Variants in ATIC observed in about 807,000 individuals in gnomAD.
ATIC encodes the protein 5-aminoimidazole-4-carboxamide ribonucleotide formyltransferase/IMP cyclohydrolase.
In ATIC, 64 loss-of-function variants were observed where a neutral mutation model predicts 72.5. That is an observed-to-expected ratio of 0.88 (90% CI 0.72 to 1.09). The LOEUF (loss-of-function observed/expected upper bound fraction) is 1.09. Ranked by LOEUF, ATIC falls within the 50% of genes least tolerant of loss-of-function variation. The probability of loss-of-function intolerance (pLI) is 0.00; values close to 1 mark genes in which losing one functional copy is unlikely to be tolerated. For synonymous variants in ATIC, 281 were observed against 267.1 expected (o/e 1.05, Z -0.51); for missense variants, 787 against 732.4 (o/e 1.07, Z -0.86).
chr2:215,312,129 C>T lies in ATIC; in HGVS notation c.-14C>T, dbSNP rs1009387058. 3 of 1,528,266 alleles carry T rather than the reference C, an allele frequency of 2.0e-6. No homozygotes were observed. The East Asian group carries it at 7.5e-5, about 38-fold the overall frequency. The allele number at this position is 1,528,266 out of a possible 1,614,324, so 94.7% of individuals were successfully genotyped here. A position where few individuals can be genotyped will look rare whatever the true frequency, so the allele number is the denominator to read the frequency against. ...TGCTGCCTCCCGCTCGCCCTGAACC[C>T]AGTGCCTGCAGCCATGGCTCCCGGC... On this transcript the variant is annotated 5_prime_UTR_variant, in exon 1 of 16. Transcript: ENST00000236959.
intron 4 of ATIC, among the ~76,000 whole-genome samples, chr2:215,323,147 G>A (rs143121886): frequency 3.3e-5 from 5 of 152,076 alleles, no homozygotes; most frequent in East Asian, 1.9e-4. Context: ...GGGTTTCACC[G>A]TGTTCGCCAG....
chr2:215,346,890 A>G lies in ATIC; in HGVS notation c.1452A>G (p.Arg484=), dbSNP rs1168113033. The G allele has an allele frequency of 6.2e-7, 1 of 1,614,210 alleles. No individual in the cohort carries two copies. The highest frequency in any genetic ancestry group is 2.2e-5 in the East Asian group (1 of 44,880). The change falls in exon 14 of 16, where the codon AGA becomes AGG. Residue 484 remains arginine, a synonymous_variant. Transcript: ENST00000236959. ...LSMKFKTGVK[R]AEISNAIDQY... ...TGAAGTTTAAAACAGGAGTGAAGAG[A>G]GCAGAAATCTCCAATGCCATCGATC...
At chr2:215,334,382 G>A (rs2052932464) in intron 9 of ATIC, among the ~76,000 whole-genome samples, 1 of 151,792 alleles carries the variant, frequency 6.6e-6, no homozygotes, top group Admixed American at 6.6e-5. Context: ...TTTTAGTAGA[G>A]ACATGGTTTC....
chr2:215,343,438 G>A (rs2053040753), intron 12 of ATIC, among the ~76,000 whole-genome samples: 1 of 152,158 alleles, frequency 6.6e-6, no homozygotes, highest in African/African-American at 2.4e-5. Flanking sequence ...CCGGGTTCAA[G>A]TGGTTCTCCT....
At chr2:215,338,171 C>T (rs970621004) in intron 11 of ATIC, among the ~76,000 whole-genome samples, 1 of 152,154 alleles carries the variant, frequency 6.6e-6, no homozygotes, top group East Asian at 1.9e-4. Flanking sequence ...TAGTGTTACA[C>T]GTATTGTTCC....
the ATIC span, among the ~76,000 whole-genome samples, chr2:215,366,751 TCA>T: frequency 6.6e-6 from 1 of 152,050 alleles, no homozygotes; most frequent in African/African-American, 2.4e-5. Flanking sequence ...AGCCAAAGAG[TCA>T]CATAAATGAA....
the ATIC span, chr2:215,361,365 G>A: frequency 1.5e-6 from 1 of 653,678 alleles, no homozygotes; most frequent in East Asian, 2.6e-5. Flanking sequence ...TCATTTATGA[G>A]AAAACCCTCA....
At position 215,346,927 on chromosome 2, in the gene ATIC, G is replaced by A; in HGVS notation, c.1489G>A (p.Gly497Arg). Residue 497 changes from glycine (G) to arginine (R), a missense_variant, in exon 14 of 16, where the codon GGA becomes AGA. By Grantham distance (125) the Gly-to-Arg change is moderately radical. Coordinates refer to ENST00000236959, the MANE Select transcript of ATIC (RefSeq NM_004044.7). The part of the protein sequence containing the change: ...ISNAIDQYVT[G>R]TIGEDEDLIK... ...CAATGCCATCGATCAATATGTGACT[G>A]GAACCATTGGCGAGGTGAAAGACTT... 6.2e-7 allele frequency: 1 copy of A among 1,614,158 alleles called. No homozygotes were observed. The highest frequency in any genetic ancestry group is 8.5e-7 in the Non-Finnish European group (1 of 1,180,022).
rs1387955066 is a variant in ATIC at position 215,312,100 on chromosome 2, C to T, written c.-43C>T. 7 of 1,530,384 alleles carry T rather than the reference C, an allele frequency of 4.6e-6. No homozygotes were observed. The highest frequency in any genetic ancestry group is 4.4e-4 in the Middle Eastern group (2 of 4,558). 94.8% of individuals were successfully genotyped at this position (1,530,384 alleles called of 1,614,324 possible). A position where few individuals can be genotyped will look rare whatever the true frequency, so the allele number is the denominator to read the frequency against. ...CCTCCTACCTGCGCACGTGGTGCCG[C>T]CGCTGCTGCCTCCCGCTCGCCCTGA... On this transcript the variant is annotated 5_prime_UTR_variant, in exon 1 of 16. Transcript: ENST00000236959.
At position 215,325,195 on chromosome 2, in the gene ATIC, A is replaced by G. The variant is rs78530224; in HGVS notation, c.291-46A>G. Reference sequence around the variant, plus strand: ...TTTTTCCTAGATAGCTGTAAACCACATGAGTGGACTTTTTAATGACAGCCA... The same window carrying G: ...TTTTTCCTAGATAGCTGTAAACCACGTGAGTGGACTTTTTAATGACAGCCA... On this transcript the variant is annotated intron_variant, in intron 4 of 15. Transcript: ENST00000236959. 1,522 of 1,460,890 alleles carry G rather than the reference A, an allele frequency of 1.0e-3. 14 individuals are homozygous for G. The African/African-American group carries it at 0.018, about 17-fold the overall frequency. The allele number at this position is 1,460,890 out of a possible 1,614,324, so 90.5% of individuals were successfully genotyped here.
chr2:215,342,820 C>T (rs1458247582), intron 12 of ATIC, among the ~76,000 whole-genome samples: 2 of 152,310 alleles, frequency 1.3e-5, no homozygotes, highest in Non-Finnish European at 1.5e-5. Flanking sequence ...GCTGGGATTA[C>T]AGGCATGCGG....
chr2:215,320,353 A>G (rs2052753706), intron 4 of ATIC, among the ~76,000 whole-genome samples: 1 of 152,138 alleles, frequency 6.6e-6, no homozygotes, highest in African/African-American at 2.4e-5. Context: ...GCTATAAAGG[A>G]ATACTAGAAG....
At position 215,325,236 on chromosome 2, in the gene ATIC, T is replaced by A; in HGVS notation, c.291-5T>A. ...ATGACAGCCAGATTCGTCTTTGTTTTATAGAGTTGTTGCCTGCAATCTCTA... is the reference window on the plus strand; with the variant it reads ...ATGACAGCCAGATTCGTCTTTGTTTAATAGAGTTGTTGCCTGCAATCTCTA... On this transcript the variant is annotated splice_region_variant and splice_polypyrimidine_tract_variant and intron_variant, in intron 4 of 15. Coordinates refer to ENST00000236959, the MANE Select transcript of ATIC (RefSeq NM_004044.7). 6.2e-7 allele frequency: 1 copy of A among 1,611,638 alleles called. No homozygotes were observed. The highest frequency in any genetic ancestry group is 8.5e-7 in the Non-Finnish European group (1 of 1,177,792).
In ATIC at chr2:215,342,772, C is replaced by T. The variant is rs959203492; in HGVS notation, c.1228-2007C>T. Among the ~76,000 whole-genome samples, 7 of 152,162 alleles carry T rather than the reference C, an allele frequency of 4.6e-5. No homozygotes were observed. The East Asian group carries it at 7.7e-4, about 17-fold the overall frequency. On this transcript the variant is annotated intron_variant, in intron 12 of 15. Coordinates refer to ENST00000236959, the MANE Select transcript of ATIC (RefSeq NM_004044.7). ...TTGGCTCACTGCAATCTCCGCCTCC[C>T]GGGTTCAAGCGATTCTCCTGCCTCA...
chr2:215,360,348 A>C, the ATIC span: 1 of 152,262 alleles, frequency 6.6e-6, no homozygotes, highest in Non-Finnish European at 1.5e-5. Flanking sequence ...TTATCAAGCC[A>C]TGCCAAAAGT....
chr2:215,316,011 T>G (rs1352311197), intron 2 of ATIC, among the ~76,000 whole-genome samples: 1 of 151,922 alleles, frequency 6.6e-6, no homozygotes, highest in Non-Finnish European at 1.5e-5. Context: ...TTTTTGGGTG[T>G]TGTTATCTGC....
chr2:215,321,391 A>G (rs1328595995), intron 4 of ATIC, among the ~76,000 whole-genome samples: 1 of 152,198 alleles, frequency 6.6e-6, no homozygotes, highest in Non-Finnish European at 1.5e-5. Context: ...GTTGATGGAC[A>G]TTTGGGTTGT....
intron 12 of ATIC, among the ~76,000 whole-genome samples, chr2:215,342,407 G>A (rs1238398369): frequency 6.6e-6 from 1 of 152,084 alleles, no homozygotes; most frequent in Non-Finnish European, 1.5e-5. Flanking sequence ...AGTTGTAAGA[G>A]TTCCCATGTA....
At chr2:215,312,444 C>T in intron 1 of ATIC, 54 bp from the exon 2 acceptor site, 1 of 1,613,958 alleles carries the variant, frequency 6.2e-7, no homozygotes, top group Non-Finnish European at 8.5e-7. Context: ...CAAGGCCTTG[C>T]AGAACACAGT....
Sources: allele counts gnomAD v4.1 joint callset (sites outside exome capture counted in the v4.1 genomes callset), GRCh38; gene constraint gnomAD v4.1.1; transcripts MANE v1.5; gene names NCBI Gene and HGNC (gene_info 2026-07-23, HGNC 2026-07-21).